The following TENT5C variants were observed in gnomAD, a reference collection of about 807,000 sequenced individuals.
The protein encoded by TENT5C is family with sequence similarity 46 member C.
A neutral mutation model predicts 22.2 loss-of-function variants in TENT5C; 5 were observed. The ratio of observed to expected loss-of-function variants is 0.22; its 90% CI spans 0.12 to 0.47. The LOEUF is 0.47. Among genes scored for constraint, TENT5C ranks in the 20% least tolerant of loss-of-function variants. TENT5C has a pLI of 0.99. For synonymous variants in TENT5C, 199 were observed against 195.4 expected (o/e 1.02, Z -0.15); for missense variants, 364 against 500.9 (o/e 0.73, Z 2.61).
At chr1:117,611,161 A>G (rs1483138337) in intron 1 of TENT5C, among the ~76,000 whole-genome samples, 1 of 152,196 alleles carries the variant, frequency 6.6e-6, no homozygotes, top group Non-Finnish European at 1.5e-5. Flanking sequence ...AGCCAGTGCT[A>G]TATGGACTTG....
chr1:117,622,359 CTGTGTG>C (rs1188526950), intron 1 of TENT5C, among the ~76,000 whole-genome samples: 9 of 134,090 alleles, frequency 6.7e-5, no homozygotes, highest in Non-Finnish European at 1.1e-4. Flanking sequence ...GTGTCTGTGT[CTGTGTG>C]TGTTGTATAT....
intron 1 of TENT5C, among the ~76,000 whole-genome samples, chr1:117,613,899 T>A (rs1383607348): frequency 1.3e-5 from 2 of 152,216 alleles, no homozygotes; most frequent in African/African-American, 4.8e-5. Context: ...TCAGGTAGAA[T>A]GTGTTGCGGG....
Position 117,624,163 on chromosome 1 carries a change from G to GA in TENT5C, c.*119_*120insA. 1.4e-6 allele frequency: 1 copy of GA among 714,528 alleles called. No homozygotes were observed. Among genetic ancestry groups the GA allele is most frequent in the Non-Finnish European group, 2.2e-6 (1 of 464,656 alleles). 44.3% of individuals were successfully genotyped at this position (714,528 alleles called of 1,614,324 possible). ...TAAAGGGGAACTCAGCTCTGATTCT[G>GA]CTTTTTTTTTTTTTTTTCCTTTGTG... On this transcript the variant is annotated 3_prime_UTR_variant, in exon 2 of 2. Coordinates refer to ENST00000369448, the MANE Select transcript of TENT5C (RefSeq NM_017709.4).
intron 1 of TENT5C, among the ~76,000 whole-genome samples, chr1:117,606,721 T>TGGGGA (rs1225851891): frequency 6.6e-6 from 1 of 152,072 alleles, no homozygotes; most frequent in Non-Finnish European, 1.5e-5. Flanking sequence ...TGGATCTGGT[T>TGGGGA]GGGGAGGGGA....
At chr1:117,615,340 T>C (rs935569778) in intron 1 of TENT5C, among the ~76,000 whole-genome samples, 1 of 152,268 alleles carries the variant, frequency 6.6e-6, no homozygotes, top group African/African-American at 2.4e-5. Context: ...TTTCTGCTAC[T>C]CACCAGCAGT....
rs2101080161 is a variant in TENT5C at position 117,623,437 on chromosome 1, C to A, written c.569C>A (p.Ser190Tyr). ...GACTCTTTCCAAATCATCCTGGATT[C>A]TTTGCTTTTCTTCTATGACTGTTCC... is the stretch of plus-strand genomic sequence containing the variant. ...SVDSFQIILD[S>Y]LLFFYDCSNN... The change falls in exon 2 of 2, where the codon TCT becomes TAT. Residue 190 changes from serine (S) to tyrosine (Y), a missense_variant. This residue lies in a region of TENT5C where 303 missense variants were observed against 394.5 expected (regional missense o/e 0.77). Transcript: ENST00000369448. The A allele has an allele frequency of 5.0e-6, 8 of 1,614,152 alleles. No individual in the cohort carries two copies. Among genetic ancestry groups the A allele is most frequent in the Non-Finnish European group, 5.9e-6 (7 of 1,180,030 alleles).
chr1:117,616,228 T>C (rs1452303731), intron 1 of TENT5C, among the ~76,000 whole-genome samples: 1 of 152,196 alleles, frequency 6.6e-6, no homozygotes, highest in Non-Finnish European at 1.5e-5. Context: ...GAGGATTAGA[T>C]GGGAATTGAA....
At chr1:117,613,509 G>T (rs1265870294) in intron 1 of TENT5C, among the ~76,000 whole-genome samples, 2 of 152,212 alleles carry the variant, frequency 1.3e-5, no homozygotes, top group South Asian at 2.1e-4. Flanking sequence ...GTTGTCGTTG[G>T]TGGGTGTCTA....
chr1:117,614,762 A>G (rs1437257), intron 1 of TENT5C, among the ~76,000 whole-genome samples: 11,940 of 152,168 alleles, frequency 0.078, 510 homozygotes, highest in African/African-American at 0.11. Flanking sequence ...TTTCTGGATC[A>G]GGATCAGCCC....
intron 1 of TENT5C, among the ~76,000 whole-genome samples, chr1:117,610,161 G>T (rs769862084): frequency 6.6e-6 from 1 of 151,972 alleles, no homozygotes; most frequent in Non-Finnish European, 1.5e-5. Flanking sequence ...TTAGGGGCCC[G>T]TAGACAGGAA....
At chr1:117,611,568 C>T (rs1341162299) in intron 1 of TENT5C, among the ~76,000 whole-genome samples, 1 of 152,218 alleles carries the variant, frequency 6.6e-6, no homozygotes, top group Non-Finnish European at 1.5e-5. Context: ...TGGCCAGGGG[C>T]AGTGACTCAC....
rs1570867627 is a variant in TENT5C at position 117,628,044 on chromosome 1, C to G, written c.*4000C>G. On this transcript the variant is annotated 3_prime_UTR_variant, in exon 2 of 2. Transcript: ENST00000369448. ...CTACTAAAGAGGAAGTAGCTAAATA[C>G]AGATCTGTGGGTGTTTTTAAAAAAA... The G allele has an allele frequency of 8.1e-6, 2 of 247,916 alleles. No individual in the cohort carries two copies. Among genetic ancestry groups the G allele is most frequent in the East Asian group, 1.2e-4 (2 of 16,580 alleles). 15.4% of individuals were successfully genotyped at this position (247,916 alleles called of 1,614,324 possible).
chr1:117,612,704 C>T (rs74112701), intron 1 of TENT5C, among the ~76,000 whole-genome samples: 2,520 of 152,316 alleles, frequency 0.017, 75 homozygotes, highest in African/African-American at 0.058. Flanking sequence ...TTAGCATCTG[C>T]TCTGAAATGG....
chr1:117,616,772 G>A (rs779882084), intron 1 of TENT5C, among the ~76,000 whole-genome samples: 4 of 152,236 alleles, frequency 2.6e-5, no homozygotes, highest in Non-Finnish European at 5.9e-5. Context: ...CCTCAGGAGG[G>A]TCAGAAGAAG....
chr1:117,624,197 G>C lies in TENT5C; in HGVS notation c.*153G>C. On this transcript the variant is annotated 3_prime_UTR_variant, in exon 2 of 2. Coordinates refer to ENST00000369448, the MANE Select transcript of TENT5C (RefSeq NM_017709.4). ...TTTTTTTTTCCTTTGTGTACCCATT[G>C]GAATGGGTCTACAGTGTATCATGAG... The C allele has an allele frequency of 6.0e-6, 4 of 669,634 alleles. No homozygotes were observed. Among genetic ancestry groups the C allele is most frequent in the Non-Finnish European group, 1.0e-5 (4 of 398,276 alleles). The allele number at this position is 669,634 out of a possible 1,614,324, so 41.5% of individuals were successfully genotyped here.
At chr1:117,618,790 G>T (rs368936969) in intron 1 of TENT5C, among the ~76,000 whole-genome samples, 49 of 152,288 alleles carry the variant, frequency 3.2e-4, no homozygotes, top group African/African-American at 1.1e-3. Flanking sequence ...CTAAACTAGA[G>T]GAAGTATTTG....
intron 1 of TENT5C, among the ~76,000 whole-genome samples, chr1:117,608,391 C>T (rs535358149): frequency 3.3e-5 from 5 of 152,158 alleles, no homozygotes; most frequent in Non-Finnish European, 5.9e-5. Flanking sequence ...GGCCCGTCCC[C>T]CCTCAGCTGT....
intron 1 of TENT5C, among the ~76,000 whole-genome samples, chr1:117,615,992 T>C (rs1775828): frequency 0.25 from 37,973 of 151,888 alleles, 4,762 homozygotes; most frequent in Admixed American, 0.32. Flanking sequence ...TTAATGGCTA[T>C]GAGAACTGGT....
At chr1:117,612,515 T>G (rs953423114) in intron 1 of TENT5C, among the ~76,000 whole-genome samples, 2 of 139,270 alleles carry the variant, frequency 1.4e-5, no homozygotes, top group Non-Finnish European at 3.1e-5. Context: ...GGAAGTAACA[T>G]TCAAGTCAAG....
Sources: allele counts gnomAD v4.1 joint callset (sites outside exome capture counted in the v4.1 genomes callset), GRCh38; gene constraint gnomAD v4.1.1; regional missense constraint gnomAD v4.1.1; transcripts MANE v1.5; gene names NCBI Gene and HGNC (gene_info 2026-07-23, HGNC 2026-07-21).